BTRC: variants seen among roughly 807,000 people sequenced by gnomAD.
BTRC encodes F-box/WD repeat-containing protein 1A.
In BTRC, 42 loss-of-function variants were observed where a neutral mutation model predicts 85.5. The observed-to-expected ratio is 0.49, with a 90% CI of 0.38 to 0.64. BTRC has a LOEUF of 0.64. BTRC is among the 30% of genes least tolerant of loss of function. The probability of loss-of-function intolerance (pLI) is 0.00; values close to 1 mark genes in which losing one functional copy is unlikely to be tolerated. For synonymous variants in BTRC, 255 were observed against 263.3 expected (o/e 0.97, Z 0.30); for missense variants, 594 against 743.5 (o/e 0.80, Z 2.34).
At chr10:101,519,567 A>G (rs1363537849) in intron 4 of BTRC, among the ~76,000 whole-genome samples, 1 of 152,158 alleles carries the variant, frequency 6.6e-6, no homozygotes, top group Admixed American at 6.5e-5. Context: ...AAAGCCTCAT[A>G]CGATTAGGTC....
chr10:101,427,569 C>T (rs543233652), intron 1 of BTRC, among the ~76,000 whole-genome samples: 1 of 150,814 alleles, frequency 6.6e-6, no homozygotes, highest in South Asian at 2.1e-4. Flanking sequence ...GCTTTGTTGC[C>T]CAGGCTGGTG....
rs187508121 is a variant in BTRC, at chr10:101,550,331, C to T, written c.1657-368C>T. On this transcript the variant is annotated intron_variant, in intron 13 of 14. Transcript: ENST00000370187. ...ACAGAGTCTCACTCTGTTGCCCAGG[C>T]TGGAGTGCAGTGGAGTGATCTCGGC... Among the ~76,000 whole-genome samples, 795 of 152,020 alleles carry T rather than the reference C, an allele frequency of 5.2e-3. 2 individuals carry two copies. Among genetic ancestry groups the T allele is most frequent in the Non-Finnish European group, 7.6e-3 (518 of 67,988 alleles).
At chr10:101,498,877 C>T (rs1419146961) in intron 4 of BTRC, among the ~76,000 whole-genome samples, 1 of 151,892 alleles carries the variant, frequency 6.6e-6, no homozygotes, top group African/African-American at 2.4e-5. Flanking sequence ...CCTGTAATCC[C>T]AGCTACTCAG....
intron 2 of BTRC, among the ~76,000 whole-genome samples, chr10:101,447,009 C>T (rs984271638): frequency 1.3e-5 from 2 of 151,322 alleles, no homozygotes; most frequent in South Asian, 4.2e-4. Flanking sequence ...GGTGGGGGGG[C>T]CGGTTACAAA....
At chr10:101,435,917 A>C (rs1944516831) in intron 2 of BTRC, among the ~76,000 whole-genome samples, 1 of 151,970 alleles carries the variant, frequency 6.6e-6, no homozygotes, top group Non-Finnish European at 1.5e-5. Flanking sequence ...GAAGCATCTT[A>C]AGTCAAAATT....
chr10:101,429,222 G>A (rs1224424411), intron 1 of BTRC, among the ~76,000 whole-genome samples: 1 of 152,066 alleles, frequency 6.6e-6, no homozygotes, highest in Non-Finnish European at 1.5e-5. Context: ...TAGCACTCAA[G>A]TTGATGGATA....
At chr10:101,536,039 A>G (rs2062380230) in intron 11 of BTRC, among the ~76,000 whole-genome samples, 1 of 152,234 alleles carries the variant, frequency 6.6e-6, no homozygotes, top group African/African-American at 2.4e-5. Flanking sequence ...CTGAAAACGT[A>G]CAGTTTTTAT....
chr10:101,553,846 G>A lies in BTRC; in HGVS notation c.*723G>A, dbSNP rs1399101121. On this transcript the variant is annotated 3_prime_UTR_variant, in exon 15 of 15. Coordinates refer to ENST00000370187, the MANE Select transcript of BTRC (RefSeq NM_033637.4). The stretch of plus-strand genomic sequence containing the variant: ...TTCACCTGAGAAGAAAGTGTACGAA[G>A]AGAGTGTCCTCCTCTCACATGAGCC... 4.6e-5 allele frequency: 7 copies of A among 152,660 alleles called. No individual in the cohort carries two copies. Among genetic ancestry groups the A allele is most frequent in the African/African-American group, 1.4e-4 (6 of 41,436 alleles). 9.5% of individuals were successfully genotyped at this position (152,660 alleles called of 1,614,324 possible).
chr10:101,471,725 A>AT (rs1945530648), intron 3 of BTRC, among the ~76,000 whole-genome samples: 1 of 152,142 alleles, frequency 6.6e-6, no homozygotes, highest in Admixed American at 6.5e-5. Context: ...TTTGTGAAAG[A>AT]TTTTTTAAAC....
intron 4 of BTRC, among the ~76,000 whole-genome samples, chr10:101,518,682 G>C (rs890700397): frequency 3.9e-5 from 6 of 152,106 alleles, no homozygotes; most frequent in African/African-American, 1.4e-4. Flanking sequence ...CTCTGTTCCA[G>C]CCACACCAGG....
At chr10:101,371,568 A>C (rs1048406522) in intron 1 of BTRC, among the ~76,000 whole-genome samples, 1 of 152,100 alleles carries the variant, frequency 6.6e-6, no homozygotes, top group Non-Finnish European at 1.5e-5. Flanking sequence ...AGCTTATTTT[A>C]CTTGATGTCC....
intron 1 of BTRC, among the ~76,000 whole-genome samples, chr10:101,369,158 T>TA (rs1204825298): frequency 6.6e-6 from 1 of 152,202 alleles, no homozygotes; most frequent in Non-Finnish European, 1.5e-5. Context: ...TGTTTAGACA[T>TA]AGTCTTTTGT....
At chr10:101,508,913 T>TAAAAACAAAAAAA (rs1946612667) in intron 4 of BTRC, among the ~76,000 whole-genome samples, 1 of 101,952 alleles carries the variant, frequency 9.8e-6, no homozygotes, top group Non-Finnish European at 2.0e-5. Context: ...GACTCCATCT[T>TAAAAACAAAAAAA]AAAAAAAAAA....
At chr10:101,390,319 T>G (rs1453928865) in intron 1 of BTRC, among the ~76,000 whole-genome samples, 4 of 151,870 alleles carry the variant, frequency 2.6e-5, no homozygotes, top group African/African-American at 9.7e-5. Context: ...TTATCAGTTT[T>G]GATGTCCTGG....
chr10:101,543,968 G>T (rs1208741816), intron 13 of BTRC, among the ~76,000 whole-genome samples: 1 of 152,168 alleles, frequency 6.6e-6, no homozygotes, highest in African/African-American at 2.4e-5. Context: ...GGAGTGCACT[G>T]GCGTGATCTT....
At chr10:101,369,919 C>T (rs577574944) in intron 1 of BTRC, among the ~76,000 whole-genome samples, 2 of 152,288 alleles carry the variant, frequency 1.3e-5, no homozygotes, top group East Asian at 1.9e-4. Context: ...TGCTGTTCCC[C>T]ACACCCACTA....
intron 4 of BTRC, among the ~76,000 whole-genome samples, chr10:101,520,487 T>C (rs575647559): frequency 3.3e-5 from 5 of 152,322 alleles, no homozygotes; most frequent in East Asian, 3.9e-4. Flanking sequence ...TAAATACTTA[T>C]TGAATGAATC....
intron 5 of BTRC, among the ~76,000 whole-genome samples, chr10:101,525,035 T>A (rs2062170044): frequency 6.6e-6 from 1 of 152,224 alleles, no homozygotes; most frequent in African/African-American, 2.4e-5. Flanking sequence ...CTGAACTATT[T>A]AAGTCTGTAG....
chr10:101,387,048 T>TC (rs1287611171), intron 1 of BTRC, among the ~76,000 whole-genome samples: 4 of 152,188 alleles, frequency 2.6e-5, no homozygotes, highest in Admixed American at 2.0e-4. Flanking sequence ...TCTCCATCAA[T>TC]CTGCAGTGTT....
Sources: allele counts gnomAD v4.1 joint callset (sites outside exome capture counted in the v4.1 genomes callset), GRCh38; gene constraint gnomAD v4.1.1; transcripts MANE v1.5; gene names NCBI Gene and HGNC (gene_info 2026-07-23, HGNC 2026-07-21).